Variants in COBL observed in about 807,000 individuals in gnomAD.
The protein encoded by COBL is protein cordon-bleu.
In COBL, 51 loss-of-function variants were observed where a neutral mutation model predicts 98.8. The ratio of observed to expected loss-of-function variants is 0.52; its 90% CI spans 0.41 to 0.65. COBL has a LOEUF of 0.65. Among genes scored for constraint, COBL ranks in the 30% least tolerant of loss-of-function variants. The pLI is 0.00. For missense variants in COBL, 1,617 were observed against 1,617.5 expected (o/e 1.00, Z 0.01); for synonymous variants, 634 against 651.7 (o/e 0.97, Z 0.41).
chr7:51,066,649 T>C (rs964034452), intron 7 of COBL, among the ~76,000 whole-genome samples: 3 of 152,178 alleles, frequency 2.0e-5, no homozygotes, highest in African/African-American at 7.2e-5. Context: ...GAAAAGTGCA[T>C]GGGAAGGGGG....
At chr7:51,134,770 A>C (rs1478920467) in intron 6 of COBL, among the ~76,000 whole-genome samples, 1 of 152,254 alleles carries the variant, frequency 6.6e-6, no homozygotes, top group East Asian at 1.9e-4. Context: ...ATCCAAGCAA[A>C]TTAATGAGAC....
intron 1 of COBL, among the ~76,000 whole-genome samples, chr7:51,228,370 CTAT>C (rs1008437928): frequency 8.6e-5 from 13 of 150,332 alleles, no homozygotes; most frequent in African/African-American, 2.2e-4. Context: ...AATTTTTTTA[CTAT>C]TATTATTAGC....
At chr7:51,120,160 T>G (rs1797621685) in intron 6 of COBL, among the ~76,000 whole-genome samples, 1 of 152,140 alleles carries the variant, frequency 6.6e-6, no homozygotes, top group South Asian at 2.1e-4. Context: ...TTTATAACTC[T>G]AGCTTGCAAG....
chr7:51,083,142 G>T, intron 7 of COBL: 1 of 1,520,556 alleles, frequency 6.6e-7, no homozygotes, highest in Non-Finnish European at 8.8e-7. Flanking sequence ...TCGGGAGGAG[G>T]GTAGGGCGGG....
chr7:51,093,103 G>A (rs1794964798), intron 6 of COBL, among the ~76,000 whole-genome samples: 1 of 152,136 alleles, frequency 6.6e-6, no homozygotes, highest in Admixed American at 6.5e-5. Flanking sequence ...CCATGGATTT[G>A]TTAGAAAATA....
At chr7:51,031,024 TACTC>T in intron 8 of COBL, 115 bp from the exon 9 acceptor site, 1 of 723,112 alleles carries the variant, frequency 1.4e-6, no homozygotes, top group East Asian at 2.6e-5. Flanking sequence ...AGCAGTCACA[TACTC>T]ACTGTACTGC....
In COBL at chr7:51,101,735, C is replaced by T. The variant is rs1387930937; in HGVS notation, c.958-16431G>A. Reference sequence around the variant, plus strand: ...CTTCAAAGTGTTGCTTTAGAAAATACTTTAAAAGTCTATCTTTAGCATATT... The same window carrying T: ...CTTCAAAGTGTTGCTTTAGAAAATATTTTAAAAGTCTATCTTTAGCATATT... On this transcript the variant is annotated intron_variant, in intron 6 of 12. Coordinates refer to ENST00000265136, the MANE Select transcript of COBL (RefSeq NM_015198.5). Among the ~76,000 whole-genome samples, 4 of 152,218 alleles carry T rather than the reference C, an allele frequency of 2.6e-5. 1 individual carries two copies. The highest frequency in any genetic ancestry group is 2.9e-5 in the Non-Finnish European group (2 of 68,040).
chr7:51,034,891 C>G (rs1185039764), intron 8 of COBL: 1 of 152,206 alleles, frequency 6.6e-6, no homozygotes, highest in African/African-American at 2.4e-5. Context: ...ACAGGGAAGA[C>G]ATTTTGATAT....
chr7:51,284,510 A>G (rs1333068684), intron 1 of COBL, among the ~76,000 whole-genome samples: 1 of 151,716 alleles, frequency 6.6e-6, no homozygotes, highest in African/African-American at 2.4e-5. Context: ...GAAATAAAAA[A>G]AAAAAACTTC....
At chr7:51,202,223 A>G (rs1791196061) in intron 2 of COBL, among the ~76,000 whole-genome samples, 1 of 152,216 alleles carries the variant, frequency 6.6e-6, no homozygotes, top group African/African-American at 2.4e-5. Flanking sequence ...AAGAAAAAAA[A>G]GTACACTGAG....
At position 51,313,351 on chromosome 7, in the gene COBL, G is replaced by C. The variant is rs186483169; in HGVS notation, c.41+3242C>G. 1.3e-4 allele frequency among the ~76,000 whole-genome samples: 20 copies of C among 152,132 alleles called. No homozygotes were observed. The East Asian group carries it at 3.3e-3, about 25-fold the overall frequency. ...GCCTTCTACACTTAATACTATGTGC[G>C]GCACCGACAGGACTAGAGTAGCTCA... On this transcript the variant is annotated intron_variant, in intron 1 of 12. Transcript: ENST00000265136.
At chr7:51,200,261 G>A (rs1790992709) in intron 2 of COBL, among the ~76,000 whole-genome samples, 1 of 152,158 alleles carries the variant, frequency 6.6e-6, no homozygotes, top group Non-Finnish European at 1.5e-5. Context: ...AGTTTTTCAA[G>A]CTGAAATGAA....
rs368289593 is a variant in COBL at position 51,155,073 on chromosome 7, C to G, written c.784-18742G>C. 2.6e-4 allele frequency among the ~76,000 whole-genome samples: 39 copies of G among 152,272 alleles called. No homozygotes were observed. In the South Asian group the frequency reaches 7.7e-3, roughly 30 times the overall value. On this transcript the variant is annotated intron_variant, in intron 5 of 12. Coordinates refer to ENST00000265136, the MANE Select transcript of COBL (RefSeq NM_015198.5). ...CCTCATAGAGCTTAAATTCACTTCACCTGTTTGCTTCCAATTAACTCCAAT... is the reference window on the plus strand; with the variant it reads ...CCTCATAGAGCTTAAATTCACTTCAGCTGTTTGCTTCCAATTAACTCCAAT...
chr7:51,311,842 A>G (rs1185710369), intron 1 of COBL, among the ~76,000 whole-genome samples: 2 of 152,206 alleles, frequency 1.3e-5, no homozygotes, highest in Non-Finnish European at 2.9e-5. Context: ...TTAAATAAAG[A>G]AAAAGTACAA....
At chr7:51,191,115 T>A (rs751690635) in intron 3 of COBL, 37 bp from the exon 4 acceptor site, 1 of 1,575,030 alleles carries the variant, frequency 6.3e-7, no homozygotes. Context: ...TTCAGTAAGA[T>A]ATCCTCCCAC....
chr7:51,017,477 C>T lies in COBL; in HGVS notation c.*74G>A. 2.0e-6 allele frequency: 3 copies of T among 1,472,146 alleles called. No individual in the cohort carries two copies. The highest frequency in any genetic ancestry group is 2.9e-6 in the Non-Finnish European group (3 of 1,050,926). The allele number at this position is 1,472,146 out of a possible 1,614,324, so 91.2% of individuals were successfully genotyped here. A position where few individuals can be genotyped will look rare whatever the true frequency, so the allele number is the denominator to read the frequency against. On this transcript the variant is annotated 3_prime_UTR_variant, in exon 13 of 13. Transcript: ENST00000265136. ...TAACACCAAAACTTGATGTTCCTGG[C>T]TATGCAGACTCCTTGAGTGACGCCT...
intron 1 of COBL, among the ~76,000 whole-genome samples, chr7:51,293,984 T>C (rs1584426320): frequency 6.6e-6 from 1 of 152,062 alleles, no homozygotes; most frequent in Non-Finnish European, 1.5e-5. Context: ...TTGCCTAAGT[T>C]TTTCAACAGT....
At chr7:51,245,829 T>A (rs901358932) in intron 1 of COBL, among the ~76,000 whole-genome samples, 2 of 152,162 alleles carry the variant, frequency 1.3e-5, no homozygotes, top group African/African-American at 4.8e-5. Flanking sequence ...TATTCAAACA[T>A]TGGGGCACTT....
intron 5 of COBL, among the ~76,000 whole-genome samples, chr7:51,138,178 T>A (rs1799414291): frequency 6.6e-6 from 1 of 152,182 alleles, no homozygotes; most frequent in Non-Finnish European, 1.5e-5. Flanking sequence ...AGGAAACAGG[T>A]GACGGTGATA....
Sources: allele counts gnomAD v4.1 joint callset (sites outside exome capture counted in the v4.1 genomes callset), GRCh38; gene constraint gnomAD v4.1.1; transcripts MANE v1.5; gene names NCBI Gene and HGNC (gene_info 2026-07-23, HGNC 2026-07-21).